Variants in SLC22A25 observed in about 807,000 individuals in gnomAD.
SLC22A25 encodes the protein solute carrier family 22 member 25.
In SLC22A25, 44 loss-of-function variants were observed where a neutral mutation model predicts 45.9. The observed-to-expected ratio is 0.96, with a 90% CI of 0.75 to 1.23. The LOEUF (loss-of-function observed/expected upper bound fraction) is 1.23, where lower values mean the gene tolerates loss of function less well. SLC22A25 is among the 50% of genes most tolerant of loss of function. The pLI is 0.00. For synonymous variants in SLC22A25, 283 were observed against 238.6 expected (o/e 1.19, Z -1.72); for missense variants, 800 against 666.4 (o/e 1.20, Z -2.21).
In SLC22A25 at chr11:63,211,921, G is replaced by C. The variant is rs1049133866; in HGVS notation, c.830+5393C>G. ...GAAAACTTTTGCAATCTACTCATCT[G>C]ACAAAGGGCTAATATCCAGAATCTA... On this transcript the variant is annotated intron_variant, in intron 7 of 11. Coordinates refer to ENST00000306494, the MANE Select transcript of SLC22A25 (RefSeq NM_199352.6). Among the ~76,000 whole-genome samples, 4 of 152,190 alleles carry C rather than the reference G, an allele frequency of 2.6e-5. No individual in the cohort carries two copies. In the East Asian group the frequency reaches 5.8e-4, roughly 22 times the overall value.
At position 63,180,840 on chromosome 11, in the gene SLC22A25, C is replaced by T. The variant is rs184964030; in HGVS notation, c.955-65G>A. ...CAAAATGGTAGGCATTGTAAGAGGACTTGTCAACCAACAGATGACAAGATA... is the reference window on the plus strand; with the variant it reads ...CAAAATGGTAGGCATTGTAAGAGGATTTGTCAACCAACAGATGACAAGATA... On this transcript the variant is annotated intron_variant, in intron 8 of 11. Transcript: ENST00000306494. The T allele has an allele frequency of 5.3e-5, 61 of 1,146,636 alleles. No homozygotes were observed. The African/African-American group carries it at 8.3e-4, about 16-fold the overall frequency. The allele number at this position is 1,146,636 out of a possible 1,614,324, so 71.0% of individuals were successfully genotyped here.
intron 8 of SLC22A25, among the ~76,000 whole-genome samples, chr11:63,181,839 T>A (rs1341648342): frequency 6.6e-6 from 1 of 152,108 alleles, no homozygotes; most frequent in Non-Finnish European, 1.5e-5. Context: ...GCAAGGTACG[T>A]GAAGTCATGT....
intron 7 of SLC22A25, among the ~76,000 whole-genome samples, chr11:63,205,030 T>C (rs771502071): frequency 6.6e-6 from 1 of 152,138 alleles, no homozygotes; most frequent in Admixed American, 6.5e-5. Flanking sequence ...CACAACTACA[T>C]GGACACTGAA....
chr11:63,190,962 G>C (rs1027446860), intron 7 of SLC22A25, among the ~76,000 whole-genome samples: 1 of 152,184 alleles, frequency 6.6e-6, no homozygotes, highest in Non-Finnish European at 1.5e-5. Context: ...CCCCTACTGG[G>C]GGCTGCCTCC....
chr11:63,192,726 T>C (rs1048024390), intron 7 of SLC22A25, among the ~76,000 whole-genome samples: 1 of 151,908 alleles, frequency 6.6e-6, no homozygotes, highest in South Asian at 2.1e-4. Context: ...CCAACAAACA[T>C]GAAATAGAGA....
chr11:63,188,757 G>A (rs1440414989), intron 7 of SLC22A25, among the ~76,000 whole-genome samples: 6 of 152,064 alleles, frequency 3.9e-5, no homozygotes, highest in African/African-American at 1.4e-4. Flanking sequence ...CTTTGTTCTC[G>A]TTGGCTTCAA....
At chr11:63,194,890 C>CAAAAAAAAAAAAAAAAAAAAAAAAAAAA (rs796301840) in intron 7 of SLC22A25, among the ~76,000 whole-genome samples, 1 of 34,626 alleles carries the variant, frequency 2.9e-5, no homozygotes. Context: ...AAATGGAAAG[C>CAAAAAAAAAAAAAAAAAAAAAAAAAAAA]AAAAAAAAAA....
intron 7 of SLC22A25, among the ~76,000 whole-genome samples, chr11:63,186,850 G>T (rs1489242067): frequency 6.6e-6 from 1 of 152,124 alleles, no homozygotes; most frequent in African/African-American, 2.4e-5. Context: ...AGATCAGATA[G>T]TTGTAGATAT....
rs1305835855 is a variant in SLC22A25, at chr11:63,160,803, T to A, written c.*3021A>T. On this transcript the variant is annotated 3_prime_UTR_variant, in exon 12 of 12. Coordinates refer to ENST00000306494, the MANE Select transcript of SLC22A25 (RefSeq NM_199352.6). ...AGAGCATGGAAACCCACCTTTTGCA[T>A]CATTGTGACCCAAATGTGAGACATG... is the stretch of plus-strand genomic sequence containing the variant. 6.6e-6 allele frequency among the ~76,000 whole-genome samples: 1 copy of A among 152,158 alleles called. No individual in the cohort carries two copies. Among genetic ancestry groups the A allele is most frequent in the Non-Finnish European group, 1.5e-5 (1 of 68,026 alleles).
At chr11:63,168,864 G>T (rs113494933) in intron 9 of SLC22A25, among the ~76,000 whole-genome samples, 1 of 152,160 alleles carries the variant, frequency 6.6e-6, no homozygotes, top group East Asian at 1.9e-4. Context: ...ACACATGATT[G>T]TCAGAGTCTT....
At chr11:63,177,307 C>A (rs894502215) in intron 9 of SLC22A25, among the ~76,000 whole-genome samples, 8 of 151,322 alleles carry the variant, frequency 5.3e-5, no homozygotes, top group African/African-American at 1.9e-4. Context: ...AATGATAAAA[C>A]CTGGGTAATT....
At chr11:63,231,052 G>A (rs1426114517) in intron 3 of SLC22A25, among the ~76,000 whole-genome samples, 1 of 152,124 alleles carries the variant, frequency 6.6e-6, no homozygotes, top group African/African-American at 2.4e-5. Context: ...GTCTATCATT[G>A]GTGGACATTT....
In SLC22A25 at chr11:63,172,241, A is replaced by C. The variant is rs150207782; in HGVS notation, c.1071-5983T>G. ...ATTTGGGACATAGGCACAGGCAAAGACTTCAGGACTAAAACACCAAAAGCA... is the reference window on the plus strand; with the variant it reads ...ATTTGGGACATAGGCACAGGCAAAGCCTTCAGGACTAAAACACCAAAAGCA... On this transcript the variant is annotated intron_variant, in intron 9 of 11. Transcript: ENST00000306494. Among the ~76,000 whole-genome samples the C allele has an allele frequency of 8.1e-3, 1,238 of 152,320 alleles. 13 individuals are homozygous for C. The highest frequency in any genetic ancestry group is 0.027 in the African/African-American group (1,126 of 41,572).
intron 1 of SLC22A25, among the ~76,000 whole-genome samples, chr11:63,242,158 G>T (rs1336894098): frequency 6.6e-6 from 1 of 152,148 alleles, no homozygotes; most frequent in Non-Finnish European, 1.5e-5. Flanking sequence ...AACAGAGAAT[G>T]TACAAAATGA....
chr11:63,185,657 A>G (rs2088507707), intron 7 of SLC22A25, among the ~76,000 whole-genome samples: 1 of 144,636 alleles, frequency 6.9e-6, no homozygotes, highest in Admixed American at 6.9e-5. Context: ...CTCGTCATCT[A>G]GCATTAGGTA....
chr11:63,166,410 A>C (rs2087687011), intron 9 of SLC22A25, 152 bp from the exon 10 acceptor site: 7 of 1,442,144 alleles, frequency 4.9e-6, no homozygotes, highest in Non-Finnish European at 5.5e-6. Context: ...TGATATTTTA[A>C]AGTTATCATA....
chr11:63,198,996 A>G (rs1478926120), intron 7 of SLC22A25, among the ~76,000 whole-genome samples: 1 of 152,160 alleles, frequency 6.6e-6, no homozygotes, highest in East Asian at 1.9e-4. Context: ...AACTGAAAGA[A>G]CTAGAGAGCA....
rs1291041856 is a variant in SLC22A25, at chr11:63,161,790, T to C, written c.*2034A>G. ...AAAATGGACTAATACAATGATGCAG[T>C]GGAATTGCTGGGTCAAATGTTAGCT... On this transcript the variant is annotated 3_prime_UTR_variant, in exon 12 of 12. Transcript: ENST00000306494. Among the ~76,000 whole-genome samples the C allele has an allele frequency of 6.6e-6, 1 of 152,188 alleles. No individual in the cohort carries two copies. Among genetic ancestry groups the C allele is most frequent in the Non-Finnish European group, 1.5e-5 (1 of 68,026 alleles).
intron 9 of SLC22A25, among the ~76,000 whole-genome samples, chr11:63,173,933 G>A (rs1002460108): frequency 1.3e-5 from 2 of 150,346 alleles, no homozygotes; most frequent in Non-Finnish European, 3.0e-5. Context: ...TTAAGTTCTG[G>A]GATACATGTG....
Sources: allele counts gnomAD v4.1 joint callset (sites outside exome capture counted in the v4.1 genomes callset), GRCh38; gene constraint gnomAD v4.1.1; transcripts MANE v1.5; gene names NCBI Gene and HGNC (gene_info 2026-07-23, HGNC 2026-07-21).